Variants in SLIT2 observed in about 807,000 individuals in gnomAD.
The protein encoded by SLIT2 is slit homolog 2 protein.
SLIT2 carries 41 observed loss-of-function variants against 185.7 expected under a neutral mutation model. The observed-to-expected ratio is 0.22, with a 90% CI of 0.17 to 0.29. The LOEUF (loss-of-function observed/expected upper bound fraction) is 0.29. Ranked by LOEUF, SLIT2 falls within the 10% of genes least tolerant of loss-of-function variation. The pLI is 1.00. For synonymous variants in SLIT2, 693 were observed against 680.2 expected (o/e 1.02, Z -0.29); for missense variants, 1,571 against 1,909.0 (o/e 0.82, Z 3.30).
At chr4:20,308,868 T>G (rs1167974551) in intron 4 of SLIT2, among the ~76,000 whole-genome samples, 1 of 152,182 alleles carries the variant, frequency 6.6e-6, no homozygotes, top group African/African-American at 2.4e-5. Flanking sequence ...TTAGTGACAT[T>G]CTGATGCTAA....
In SLIT2 at chr4:20,550,712, C is replaced by T. The variant is rs1021089413; in HGVS notation, c.2490-115C>T. The stretch of plus-strand genomic sequence containing the variant: ...GTACCAAAACTGTTTATTTTATAGA[C>T]CGTCTTTTCTGCACTCATTTAAAAT... On this transcript the variant is annotated intron_variant, in intron 24 of 36. Transcript: ENST00000504154. 3 of 526,792 alleles carry T rather than the reference C, an allele frequency of 5.7e-6. No homozygotes were observed. The African/African-American group carries it at 5.8e-5, about 10-fold the overall frequency. 32.6% of individuals were successfully genotyped at this position (526,792 alleles called of 1,614,324 possible).
chr4:20,403,370 T>A (rs559198975), intron 4 of SLIT2, among the ~76,000 whole-genome samples: 2 of 152,078 alleles, frequency 1.3e-5, no homozygotes, highest in South Asian at 4.1e-4. Flanking sequence ...CTGGAGACAG[T>A]GTTACAAGAG....
In SLIT2 at chr4:20,550,839, A is replaced by T; in HGVS notation, c.2502A>T (p.Gly834=). The change falls in exon 25 of 37, where the codon GGA becomes GGT. Residue 834 remains glycine (G), a synonymous_variant. Coordinates refer to ENST00000504154, the MANE Select transcript of SLIT2 (RefSeq NM_004787.4). ...LKSLRLLSLH[G]NDISVVPEGA... Reference sequence around the variant, plus strand: ...TTCTTTCTTTTAGTTCTCTACATGGAAATGACATTTCTGTTGTGCCTGAAG... The same window carrying T: ...TTCTTTCTTTTAGTTCTCTACATGGTAATGACATTTCTGTTGTGCCTGAAG... The T allele has an allele frequency of 6.2e-7, 1 of 1,604,790 alleles. No individual in the cohort carries two copies. Among genetic ancestry groups the T allele is most frequent in the South Asian group, 1.1e-5 (1 of 90,802 alleles).
At chr4:20,607,813 T>C (rs1165880313) in intron 33 of SLIT2, among the ~76,000 whole-genome samples, 1 of 152,130 alleles carries the variant, frequency 6.6e-6, no homozygotes, top group Non-Finnish European at 1.5e-5. Context: ...TTAAGATTTA[T>C]TAAGGTTGAT....
chr4:20,503,381 G>A (rs908487174), intron 9 of SLIT2, among the ~76,000 whole-genome samples: 4 of 152,126 alleles, frequency 2.6e-5, no homozygotes, highest in Non-Finnish European at 5.9e-5. Flanking sequence ...GCAAGCTGGA[G>A]AGTTAGCTCA....
intron 4 of SLIT2, among the ~76,000 whole-genome samples, chr4:20,421,850 C>G (rs571938868): frequency 6.6e-6 from 1 of 152,142 alleles, no homozygotes; most frequent in East Asian, 1.9e-4. Flanking sequence ...TTGACAGCAC[C>G]TGTGCATGTG....
intron 4 of SLIT2, among the ~76,000 whole-genome samples, chr4:20,392,792 A>T (rs1468587567): frequency 6.6e-6 from 1 of 152,000 alleles, no homozygotes; most frequent in Non-Finnish European, 1.5e-5. Flanking sequence ...CTCCCTCCAT[A>T]TCTTGTCCAG....
In SLIT2 at chr4:20,617,079, G is replaced by T. The variant is rs767587011; in HGVS notation, c.4017G>T (p.Lys1339Asn). 2 of 1,614,154 alleles carry T rather than the reference G, an allele frequency of 1.2e-6. No homozygotes were observed. Among genetic ancestry groups the T allele is most frequent in the South Asian group, 2.2e-5 (2 of 91,090 alleles). Residue 1339 changes from lysine to asparagine, a missense_variant, in exon 35 of 37, where the codon AAG becomes AAT. This residue lies in a region of SLIT2 where 223 missense variants were observed against 245.2 expected (regional missense o/e 0.91). Transcript: ENST00000504154. ...CTGGCTGTGAGCCATGCCACAAGAA[G>T]GTGTGTGCCCATGGCACATGCCAGC... is the stretch of plus-strand genomic sequence containing the variant. ...ILPGCEPCHKKVCAHGTCQPS... is the reference protein window; with the variant it reads ...ILPGCEPCHKNVCAHGTCQPS...
In SLIT2 at chr4:20,548,419, CCTT is replaced by C; in HGVS notation, c.2346-66_2346-64del. ...GCTATGACTATAAGAAGACCCTTCT[CCTT>C]CTAAGAATCACTAATATTTTCATTT... On this transcript the variant is annotated intron_variant, in intron 22 of 36. Coordinates refer to ENST00000504154, the MANE Select transcript of SLIT2 (RefSeq NM_004787.4). The C allele has an allele frequency of 3.8e-6, 3 of 798,702 alleles. No homozygotes were observed. The East Asian group carries it at 7.4e-5, about 20-fold the overall frequency. The allele number at this position is 798,702 out of a possible 1,614,324, so 49.5% of individuals were successfully genotyped here. A position where few individuals can be genotyped will look rare whatever the true frequency, so the allele number is the denominator to read the frequency against.
intron 15 of SLIT2, 137 bp downstream of exon 15, chr4:20,525,309 C>T: frequency 1.6e-6 from 1 of 606,374 alleles, no homozygotes; most frequent in Admixed American, 2.5e-5. Context: ...GCATATATCA[C>T]TTGTAGCTGT....
intron 26 of SLIT2, among the ~76,000 whole-genome samples, chr4:20,565,982 A>G (rs1031491157): frequency 1.3e-5 from 2 of 152,018 alleles, no homozygotes; most frequent in East Asian, 3.9e-4. Context: ...CTCTGTGGCC[A>G]CCATATTTAT....
chr4:20,299,065 T>C (rs1366475391), intron 4 of SLIT2, among the ~76,000 whole-genome samples: 1 of 152,210 alleles, frequency 6.6e-6, no homozygotes, highest in East Asian at 1.9e-4. Context: ...ACAATGTAAT[T>C]TGACATTTAT....
intron 4 of SLIT2, among the ~76,000 whole-genome samples, chr4:20,336,099 C>G (rs1387149696): frequency 6.6e-6 from 1 of 152,064 alleles, no homozygotes; most frequent in Non-Finnish European, 1.5e-5. Context: ...TGATGACATT[C>G]TAGGATATCA....
At chr4:20,474,886 C>T (rs914215105) in intron 5 of SLIT2, among the ~76,000 whole-genome samples, 3 of 151,816 alleles carry the variant, frequency 2.0e-5, no homozygotes, top group African/African-American at 7.3e-5. Flanking sequence ...TTGTTATAGA[C>T]ACTATGGCAA....
intron 4 of SLIT2, among the ~76,000 whole-genome samples, chr4:20,300,981 C>T (rs1451350811): frequency 6.6e-6 from 1 of 151,790 alleles, no homozygotes; most frequent in East Asian, 1.9e-4. Context: ...TTTGTGTTAC[C>T]TTAACATATA....
chr4:20,473,223 C>T (rs1232032954), intron 5 of SLIT2, among the ~76,000 whole-genome samples: 4 of 141,300 alleles, frequency 2.8e-5, no homozygotes, highest in African/African-American at 1.1e-4. Flanking sequence ...AGTTTGCTTG[C>T]ATTATCTCAA....
intron 4 of SLIT2, among the ~76,000 whole-genome samples, chr4:20,357,342 G>A (rs983089936): frequency 3.9e-5 from 6 of 152,058 alleles, no homozygotes; most frequent in African/African-American, 1.4e-4. Context: ...AGAGGCTTTA[G>A]GAATATAAAA....
chr4:20,380,868 A>C (rs888407007), intron 4 of SLIT2, among the ~76,000 whole-genome samples: 1 of 152,134 alleles, frequency 6.6e-6, no homozygotes, highest in Non-Finnish European at 1.5e-5. Flanking sequence ...ATTTTTTCCA[A>C]ATGTATTGAC....
At chr4:20,454,329 A>G (rs1007320487) in intron 4 of SLIT2, among the ~76,000 whole-genome samples, 55 of 152,336 alleles carry the variant, frequency 3.6e-4, no homozygotes, top group African/African-American at 1.3e-3. Context: ...CTTCAAATAC[A>G]TGAAAATAAT....
Sources: allele counts gnomAD v4.1 joint callset (sites outside exome capture counted in the v4.1 genomes callset), GRCh38; gene constraint gnomAD v4.1.1; regional missense constraint gnomAD v4.1.1; transcripts MANE v1.5; gene names NCBI Gene and HGNC (gene_info 2026-07-23, HGNC 2026-07-21).